The following FAIM2 variants were observed in gnomAD, a reference collection of about 807,000 sequenced individuals.
FAIM2 encodes protein lifeguard 2.
In FAIM2, 27 loss-of-function variants were observed where a neutral mutation model predicts 47.4. The observed-to-expected ratio is 0.57, with a 90% CI of 0.42 to 0.78. The LOEUF (loss-of-function observed/expected upper bound fraction) is 0.78, where lower values mean the gene tolerates loss of function less well. Among genes scored for constraint, FAIM2 ranks in the 30% least tolerant of loss-of-function variants. The probability of loss-of-function intolerance (pLI) is 0.00; values close to 1 mark genes in which losing one functional copy is unlikely to be tolerated. For missense variants in FAIM2, 311 were observed against 389.4 expected, an observed-to-expected ratio of 0.80 and a Z score of 1.69; for synonymous variants, 156 against 159.3, an observed-to-expected ratio of 0.98 and a Z score of 0.16.
At chr12:49,895,173 G>A (rs1462988183) in intron 5 of FAIM2, among the ~76,000 whole-genome samples, 2 of 152,014 alleles carry the variant, frequency 1.3e-5, no homozygotes, top group East Asian at 1.9e-4. Context: ...TATGAAAAGC[G>A]CCCAGTCCAC....
rs574923846 is a variant in FAIM2, at chr12:49,870,711, C to T, written c.802-58G>A. 33 of 1,569,544 alleles carry T rather than the reference C, an allele frequency of 2.1e-5. No individual in the cohort carries two copies. In the East Asian group the frequency reaches 6.5e-4, roughly 31 times the overall value. The stretch of plus-strand genomic sequence containing the variant: ...AGAGGCCCAGGCAGTGTGACACTGA[C>T]TATGGCAGCCCAGGTGTCCCCCTCA... On this transcript the variant is annotated intron_variant, in intron 11 of 11. Coordinates refer to ENST00000320634, the MANE Select transcript of FAIM2 (RefSeq NM_012306.4).
At chr12:49,886,972 C>T (rs1946866280) in intron 11 of FAIM2, among the ~76,000 whole-genome samples, 1 of 152,194 alleles carries the variant, frequency 6.6e-6, no homozygotes, top group South Asian at 2.1e-4. Flanking sequence ...AACAGTCTCT[C>T]TCTCAGGGTA....
At chr12:49,889,840 TACAAGTA>T (rs1946886872) in intron 8 of FAIM2, among the ~76,000 whole-genome samples, 1 of 152,096 alleles carries the variant, frequency 6.6e-6, no homozygotes, top group South Asian at 2.1e-4. Context: ...GGAGGTGGTT[TACAAGTA>T]ACTGCAGGTC....
In FAIM2 at chr12:49,878,421, T is replaced by A. The variant is rs1240252480; in HGVS notation, c.802-7768A>T. 2.0e-4 allele frequency among the ~76,000 whole-genome samples: 27 copies of A among 132,630 alleles called. 5 individuals carry two copies. The highest frequency in any genetic ancestry group is 4.7e-5 in the Non-Finnish European group (3 of 63,932). The allele number at this position is 132,630 out of a possible 152,430, so 87.0% of individuals were successfully genotyped here. On this transcript the variant is annotated intron_variant, in intron 11 of 11. Coordinates refer to ENST00000320634, the MANE Select transcript of FAIM2 (RefSeq NM_012306.4). ...GTCTGTGTGCATGTGAGTGTATGTG[T>A]GTGTATATGTGCAAGTGTGTGTCTG...
chr12:49,891,564 C>G (rs1437210636), intron 5 of FAIM2, among the ~76,000 whole-genome samples: 1 of 152,204 alleles, frequency 6.6e-6, no homozygotes, highest in Non-Finnish European at 1.5e-5. Flanking sequence ...GCTGCAGAAG[C>G]AGGATGAGAA....
chr12:49,887,413 T>C lies in FAIM2; in HGVS notation c.774A>G (p.Ala258=). The C allele has an allele frequency of 1.2e-6, 2 of 1,611,504 alleles. No individual in the cohort carries two copies. The highest frequency in any genetic ancestry group is 1.7e-6 in the Non-Finnish European group (2 of 1,178,788). ...ATGTAAATACACCCGCTCCCAGTGC[T>C]GCATAAACTGCATGGAGCCAGGGCA... is the stretch of plus-strand genomic sequence containing the variant. ...QYVPWLHAVY[A]ALGAGVFTLF... is the part of the protein sequence containing the mutation. Residue 258 remains alanine (A), a synonymous_variant, in exon 11 of 12, where the codon GCA becomes GCG. Transcript: ENST00000320634.
intron 4 of FAIM2, 84 bp from the exon 5 acceptor site, chr12:49,897,168 C>T (rs1946943640): frequency 2.6e-6 from 3 of 1,159,182 alleles, no homozygotes; most frequent in African/African-American, 3.0e-5. Context: ...CTGTCCCACA[C>T]AGTTCACAGA....
At chr12:49,902,518 C>T (rs297911) in intron 1 of FAIM2, 118,212 of 152,116 alleles carry the variant, frequency 0.78, 46,133 homozygotes, top group South Asian at 0.86. Flanking sequence ...CCCAGCAAGC[C>T]TGTGCGTGAG....
intron 5 of FAIM2, among the ~76,000 whole-genome samples, chr12:49,892,664 C>A (rs907250495): frequency 6.6e-6 from 1 of 152,154 alleles, no homozygotes; most frequent in Non-Finnish European, 1.5e-5. Context: ...TCTCAGTCTG[C>A]CTGGTTCCCT....
chr12:49,890,647 T>A (rs779667371), intron 7 of FAIM2, 36 bp downstream of exon 7: 1 of 1,604,158 alleles, frequency 6.2e-7, no homozygotes, highest in Non-Finnish European at 8.5e-7. Flanking sequence ...CCATCCCCAC[T>A]CAGCGTCTGT....
chr12:49,898,894 TG>T (rs1946961101), intron 2 of FAIM2, among the ~76,000 whole-genome samples: 1 of 150,704 alleles, frequency 6.6e-6, no homozygotes, highest in Admixed American at 6.6e-5. Flanking sequence ...GGTGGACCGC[TG>T]GTACTCCAGC....
chr12:49,889,655 G>T, intron 8 of FAIM2, 87 bp from the exon 9 acceptor site: 4 of 1,132,164 alleles, frequency 3.5e-6, no homozygotes, highest in South Asian at 2.6e-5. Context: ...CTTCTGCCAG[G>T]ACCTGGTCTT....
intron 5 of FAIM2, among the ~76,000 whole-genome samples, chr12:49,892,219 C>T (rs1946905082): frequency 6.6e-6 from 1 of 152,142 alleles, no homozygotes; most frequent in Admixed American, 6.5e-5. Context: ...TACTTGCCCT[C>T]CTGTCCCTCC....
At chr12:49,870,692 C>T (rs1263680933) in intron 11 of FAIM2, 39 bp from the exon 12 acceptor site, 3 of 1,607,326 alleles carry the variant, frequency 1.9e-6, no homozygotes, top group East Asian at 2.2e-5. Flanking sequence ...GGTCAGAGGC[C>T]CAGGCAGTGT....
At chr12:49,876,501 C>T (rs1338496977) in intron 11 of FAIM2, among the ~76,000 whole-genome samples, 1 of 152,084 alleles carries the variant, frequency 6.6e-6, no homozygotes, top group Non-Finnish European at 1.5e-5. Context: ...CGGTGGCTTA[C>T]GCCTGTAATC....
At chr12:49,885,136 A>G (rs1253178317) in intron 11 of FAIM2, among the ~76,000 whole-genome samples, 1 of 152,218 alleles carries the variant, frequency 6.6e-6, no homozygotes, top group Non-Finnish European at 1.5e-5. Flanking sequence ...TAAAGGGTGG[A>G]ACAGAGGATG....
intron 2 of FAIM2, 148 bp downstream of exon 2, chr12:49,900,982 A>T: frequency 1.7e-6 from 1 of 580,152 alleles, no homozygotes; most frequent in Non-Finnish European, 2.8e-6. Context: ...CCCTCAGACT[A>T]GTTCTCCAAA....
intron 11 of FAIM2, among the ~76,000 whole-genome samples, chr12:49,886,753 G>A (rs297920): frequency 0.014 from 2,150 of 152,176 alleles, 45 homozygotes; most frequent in African/African-American, 0.048. Flanking sequence ...TGGGATTATA[G>A]GCGTGAGCCA....
intron 1 of FAIM2, chr12:49,901,588 T>C (rs1565621351): frequency 2.8e-6 from 1 of 358,648 alleles, no homozygotes; most frequent in Non-Finnish European, 4.9e-6. Context: ...CACCATTGGT[T>C]GTCACTGTCA....
Sources: allele counts gnomAD v4.1 joint callset (sites outside exome capture counted in the v4.1 genomes callset), GRCh38; gene constraint gnomAD v4.1.1; transcripts MANE v1.5; gene names NCBI Gene and HGNC (gene_info 2026-07-23, HGNC 2026-07-21).